The following IRAK3 variants were observed in gnomAD, a reference collection of about 807,000 sequenced individuals.
IRAK3 encodes interleukin-1 receptor-associated kinase 3.
In IRAK3, 57 loss-of-function variants were observed where a neutral mutation model predicts 56.6. That is an observed-to-expected ratio of 1.01 (90% CI 0.81 to 1.26). The LOEUF (loss-of-function observed/expected upper bound fraction) is 1.26, where lower values mean the gene tolerates loss of function less well. IRAK3 is among the 50% of genes most tolerant of loss of function. The pLI, the probability that IRAK3 is intolerant of heterozygous loss-of-function variation, is 0.00. For missense variants in IRAK3, 703 were observed against 719.0 expected (o/e 0.98, Z 0.25); for synonymous variants, 258 against 255.7 (o/e 1.01, Z -0.09).
Position 66,254,369 on chromosome 12 carries a change from T to C in IRAK3, c.*6198T>C, listed in dbSNP as rs1351500123. ...ATATATGTTTATTGCTATGGATATA[T>C]GTTCCCAAAATATTATTGAATCAAA... On this transcript the variant is annotated 3_prime_UTR_variant, in exon 12 of 12. Transcript: ENST00000261233. 6.6e-6 allele frequency: 1 copy of C among 152,184 alleles called. No individual in the cohort carries two copies. The highest frequency in any genetic ancestry group is 1.5e-5 in the Non-Finnish European group (1 of 68,008). The allele number at this position is 152,184 out of a possible 1,614,324, so 9.4% of individuals were successfully genotyped here.
intron 11 of IRAK3, 40 bp downstream of exon 11, chr12:66,245,302 G>C (rs2053018420): frequency 6.3e-7 from 1 of 1,597,630 alleles, no homozygotes; most frequent in Admixed American, 1.7e-5. Flanking sequence ...TGAGCCCACA[G>C]AACCATGGAA....
rs530608571 is a variant in IRAK3 at position 66,234,130 on chromosome 12, C to G, written c.887+5760C>G. ...GGTCATTAGACGTCTCGACAGCCAC[C>G]TGCTGTTGACCACTTGCCTCCTCAA... On this transcript the variant is annotated intron_variant, in intron 8 of 11. Transcript: ENST00000261233. 8 of 1,614,188 alleles carry G rather than the reference C, an allele frequency of 5.0e-6. No homozygotes were observed. In the South Asian group the frequency reaches 7.7e-5, roughly 16 times the overall value.
At chr12:66,194,258 A>G (rs896192746) in intron 1 of IRAK3, among the ~76,000 whole-genome samples, 2 of 152,112 alleles carry the variant, frequency 1.3e-5, no homozygotes, top group African/African-American at 2.4e-5. Context: ...TAGTTAGACA[A>G]TGTTATGTCT....
At chr12:66,210,366 G>C (rs897397050) in intron 4 of IRAK3, among the ~76,000 whole-genome samples, 165 bp downstream of exon 4, 7 of 152,036 alleles carry the variant, frequency 4.6e-5, no homozygotes, top group Admixed American at 3.3e-4. Flanking sequence ...GACACTTATA[G>C]TTCTAATAGA....
intron 6 of IRAK3, among the ~76,000 whole-genome samples, chr12:66,224,267 C>T (rs1298348047): frequency 6.6e-6 from 1 of 152,092 alleles, no homozygotes; most frequent in Non-Finnish European, 1.5e-5. Flanking sequence ...CTATAAGATC[C>T]AAGTTATTTC....
At chr12:66,198,538 G>A (rs1201628225) in intron 1 of IRAK3, among the ~76,000 whole-genome samples, 1 of 152,060 alleles carries the variant, frequency 6.6e-6, no homozygotes. Flanking sequence ...TCCTGGCTGT[G>A]GTAGTCCACA....
Position 66,231,767 on chromosome 12 carries a change from A to G in IRAK3, c.887+3397A>G, listed in dbSNP as rs988786812. Among the ~76,000 whole-genome samples the G allele has an allele frequency of 2.0e-5, 3 of 152,212 alleles. No individual in the cohort carries two copies. In the East Asian group the frequency reaches 5.8e-4, roughly 29 times the overall value. On this transcript the variant is annotated intron_variant, in intron 8 of 11. Coordinates refer to ENST00000261233, the MANE Select transcript of IRAK3 (RefSeq NM_007199.3). ...TCAGTTGGTTGGAAAAGAAAGGACA[A>G]GGTTGGAGAATAAGATAAGGTGAGA...
At chr12:66,229,315 C>A (rs1045652884) in intron 8 of IRAK3, among the ~76,000 whole-genome samples, 2 of 152,134 alleles carry the variant, frequency 1.3e-5, no homozygotes, top group African/African-American at 2.4e-5. Context: ...AGAGTAAATA[C>A]CCCCTGTCGG....
chr12:66,220,722 G>A (rs1032730078), intron 6 of IRAK3, among the ~76,000 whole-genome samples: 45 of 151,424 alleles, frequency 3.0e-4, no homozygotes, highest in South Asian at 8.3e-4. Flanking sequence ...GGGTTTCACC[G>A]TTTTAGCCGG....
chr12:66,235,485 T>TGCGGC (rs1429918679), intron 8 of IRAK3, among the ~76,000 whole-genome samples: 39 of 151,216 alleles, frequency 2.6e-4, no homozygotes, highest in Non-Finnish European at 4.7e-4. Context: ...CGTCTAAAAG[T>TGCGGC]GCGGCGCGGC....
At position 66,244,539 on chromosome 12, in the gene IRAK3, T is replaced by A. The variant is rs143718108; in HGVS notation, c.941T>A (p.Met314Lys). ...QFQPKLTDFA[M>K]AHFRSHLEHQ... Reference sequence around the variant, plus strand: ...CAACCCAAACTAACTGATTTTGCCATGGCACACTTCCGGTCCCACCTAGAA... The same window carrying A: ...CAACCCAAACTAACTGATTTTGCCAAGGCACACTTCCGGTCCCACCTAGAA... The change falls in exon 9 of 12, where the codon ATG (methionine) becomes AAG (lysine). Residue 314 changes from methionine (M) to lysine (K), a missense_variant. Transcript: ENST00000261233. 6.2e-7 allele frequency: 1 copy of A among 1,614,194 alleles called. No homozygotes were observed. The highest frequency in any genetic ancestry group is 8.5e-7 in the Non-Finnish European group (1 of 1,180,022).
At chr12:66,247,380 A>T (rs536948831) in intron 11 of IRAK3, among the ~76,000 whole-genome samples, 1 of 152,324 alleles carries the variant, frequency 6.6e-6, no homozygotes, top group African/African-American at 2.4e-5. Context: ...AATCTTCCAC[A>T]TATTATGGTT....
intron 8 of IRAK3, 103 bp from the exon 9 acceptor site, chr12:66,244,383 T>TATA: frequency 1.2e-6 from 1 of 815,340 alleles, no homozygotes; most frequent in Admixed American, 2.0e-5. Flanking sequence ...TTGACAGTGT[T>TATA]TCGAATTAAC....
Position 66,235,362 on chromosome 12 carries a change from C to T in IRAK3, c.887+6992C>T. On this transcript the variant is annotated intron_variant, in intron 8 of 11. Transcript: ENST00000261233. ...GGCAGCCTCGCCGCGAGGGGGAGGA[C>T]GCAAGGAGGGGGCCGGCCGGGCCCC... 7.8e-6 allele frequency: 8 copies of T among 1,030,560 alleles called. No homozygotes were observed. In the South Asian group the frequency reaches 1.3e-4, roughly 17 times the overall value. The allele number at this position is 1,030,560 out of a possible 1,614,324, so 63.8% of individuals were successfully genotyped here.
chr12:66,214,382 TA>T (rs890202707), intron 5 of IRAK3, among the ~76,000 whole-genome samples: 16 of 147,544 alleles, frequency 1.1e-4, no homozygotes, highest in Admixed American at 2.0e-4. Context: ...AAAAAAAAAT[TA>T]AAAAAAAAAT....
rs140134438 is a variant in IRAK3, at chr12:66,245,148, C to T, written c.1200C>T (p.Leu400=). 1.2e-5 allele frequency: 19 copies of T among 1,614,186 alleles called. No individual in the cohort carries two copies. Among genetic ancestry groups the T allele is most frequent in the Non-Finnish European group, 1.5e-5 (18 of 1,180,022 alleles). ...LMEKRGLDSC[L]SFLDKKVPPC... ...AGAAGAGAGGCCTGGATTCATGTCT[C>T]TCATTTCTAGATAAGAAAGTGCCTC... The change falls in exon 11 of 12, where the codon CTC becomes CTT. Residue 400 remains leucine (L), a synonymous_variant. Transcript: ENST00000261233.
chr12:66,234,516 C>A, intron 8 of IRAK3: 1 of 1,611,946 alleles, frequency 6.2e-7, no homozygotes, highest in Non-Finnish European at 8.5e-7. Flanking sequence ...GTAGTTGGGT[C>A]GTAAGTAAGT....
intron 8 of IRAK3, among the ~76,000 whole-genome samples, chr12:66,244,077 C>G (rs974993449): frequency 6.6e-6 from 1 of 152,236 alleles, no homozygotes; most frequent in Non-Finnish European, 1.5e-5. Context: ...ATAAGCTAAG[C>G]ATTTCACAGC....
intron 8 of IRAK3, among the ~76,000 whole-genome samples, chr12:66,240,712 GC>G (rs2052959462): frequency 6.6e-6 from 1 of 151,778 alleles, no homozygotes; most frequent in Non-Finnish European, 1.5e-5. Flanking sequence ...GTGGCTCCCT[GC>G]CCCCTCTTCC....
Sources: gnomAD v4.1 joint callset for allele counts (sites outside exome capture counted in the v4.1 genomes callset) on GRCh38, gnomAD v4.1.1 for gene constraint, MANE v1.5 for transcripts, NCBI Gene and HGNC (gene_info 2026-07-23, HGNC 2026-07-21) for gene names.